The following FSTL4 variants were observed in gnomAD, a reference collection of about 807,000 sequenced individuals.
The protein encoded by FSTL4 is follistatin-related protein 4.
In FSTL4, 28 loss-of-function variants were observed where a neutral mutation model predicts 78.2. That is an observed-to-expected ratio of 0.36 (90% confidence interval 0.27 to 0.49). The LOEUF (loss-of-function observed/expected upper bound fraction) is 0.49. Ranked by LOEUF, FSTL4 falls within the 20% of genes least tolerant of loss-of-function variation. FSTL4 has a pLI of 0.98. For synonymous variants in FSTL4, 422 were observed against 440.5 expected, an observed-to-expected ratio of 0.96 and a Z score of 0.53; for missense variants, 922 against 1,084.9, an observed-to-expected ratio of 0.85 and a Z score of 2.11.
chr5:133,583,073 C>A (rs1760467370), intron 2 of FSTL4, among the ~76,000 whole-genome samples: 1 of 152,214 alleles, frequency 6.6e-6, no homozygotes, highest in African/African-American at 2.4e-5. Context: ...GGCAGCACCT[C>A]CAGCAGAAGT....
the FSTL4 span, among the ~76,000 whole-genome samples, chr5:133,668,322 C>A: frequency 6.6e-6 from 1 of 152,162 alleles, no homozygotes. Context: ...AAGAAAGTCA[C>A]ATGGAACCAG....
At chr5:133,729,193 G>A in the FSTL4 span, among the ~76,000 whole-genome samples, 1 of 150,994 alleles carries the variant, frequency 6.6e-6, no homozygotes, top group African/African-American at 2.4e-5. Context: ...TGGTTGCCTG[G>A]CACATGAATT....
In FSTL4 at chr5:133,411,110, A is replaced by G. The variant is rs1756469337; in HGVS notation, c.161-10124T>C. 1.3e-5 allele frequency among the ~76,000 whole-genome samples: 2 copies of G among 152,162 alleles called. 1 individual carries two copies. Among genetic ancestry groups the G allele is most frequent in the Admixed American group, 1.3e-4 (2 of 15,280 alleles). ...TGACAACCTGTCTACTTCTATGAGAAGCTCACAGGGTCAGCAATTGCCCTA... is the reference window on the plus strand; with the variant it reads ...TGACAACCTGTCTACTTCTATGAGAGGCTCACAGGGTCAGCAATTGCCCTA... On this transcript the variant is annotated intron_variant, in intron 3 of 15. Coordinates refer to ENST00000265342, the MANE Select transcript of FSTL4 (RefSeq NM_015082.2).
At chr5:133,589,666 C>T (rs2112965080) in intron 2 of FSTL4, among the ~76,000 whole-genome samples, 1 of 152,288 alleles carries the variant, frequency 6.6e-6, no homozygotes, top group South Asian at 2.1e-4. Flanking sequence ...CAGAAGACCA[C>T]CTCAAACTCT....
the FSTL4 span, among the ~76,000 whole-genome samples, chr5:133,647,005 A>C: frequency 7.2e-5 from 11 of 152,296 alleles, no homozygotes; most frequent in South Asian, 2.3e-3. Flanking sequence ...AAAACAACAT[A>C]ATAAGGAGCA....
intron 4 of FSTL4, among the ~76,000 whole-genome samples, chr5:133,340,284 GA>G (rs2126917563): frequency 6.6e-6 from 1 of 152,294 alleles, no homozygotes; most frequent in African/African-American, 2.4e-5. Flanking sequence ...AATACTCTTT[GA>G]ATTTTAGTGG....
At chr5:133,679,844 A>G in the FSTL4 span, among the ~76,000 whole-genome samples, 1 of 151,994 alleles carries the variant, frequency 6.6e-6, no homozygotes, top group African/African-American at 2.4e-5. Context: ...GACTATGGCA[A>G]TAGCCCCTTA....
chr5:133,558,588 G>A (rs1424911371), intron 3 of FSTL4, among the ~76,000 whole-genome samples: 1 of 152,052 alleles, frequency 6.6e-6, no homozygotes, highest in African/African-American at 2.4e-5. Flanking sequence ...CTGACTTCCT[G>A]GAGAGTTCAA....
intron 5 of FSTL4, among the ~76,000 whole-genome samples, chr5:133,313,732 C>G (rs1168776290): frequency 1.3e-5 from 2 of 151,964 alleles, no homozygotes; most frequent in African/African-American, 4.8e-5. Flanking sequence ...AAAAAATGAC[C>G]CTTCACCAAG....
At chr5:133,444,554 G>A (rs143472245) in intron 3 of FSTL4, among the ~76,000 whole-genome samples, 212 of 152,266 alleles carry the variant, frequency 1.4e-3, no homozygotes, top group African/African-American at 5.0e-3. Flanking sequence ...CTAGACCAAC[G>A]TGTGCCCCCA....
the FSTL4 span, among the ~76,000 whole-genome samples, chr5:133,759,569 C>T: frequency 2.5e-4 from 38 of 152,224 alleles, no homozygotes; most frequent in Non-Finnish European, 4.9e-4. Flanking sequence ...CAATAGGGCC[C>T]AGTACTATGT....
the FSTL4 span, among the ~76,000 whole-genome samples, chr5:133,741,211 G>C: frequency 1.3e-5 from 2 of 152,196 alleles, no homozygotes; most frequent in African/African-American, 4.8e-5. Flanking sequence ...ATTCCCGGAA[G>C]CAGAACCTAA....
At chr5:133,395,795 C>T (rs550357331) in intron 4 of FSTL4, among the ~76,000 whole-genome samples, 5 of 152,188 alleles carry the variant, frequency 3.3e-5, no homozygotes, top group Admixed American at 6.5e-5. Context: ...CCTTGAAGGT[C>T]CCCTCTCCTC....
At chr5:133,216,855 G>C (rs1466330851) in intron 13 of FSTL4, among the ~76,000 whole-genome samples, 1 of 152,172 alleles carries the variant, frequency 6.6e-6, no homozygotes, top group Non-Finnish European at 1.5e-5. Flanking sequence ...CTTCATCACT[G>C]TGCCTTCTCT....
chr5:133,783,428 C>G, the FSTL4 span, among the ~76,000 whole-genome samples: 1 of 152,220 alleles, frequency 6.6e-6, no homozygotes, highest in Non-Finnish European at 1.5e-5. Context: ...TCAAAGGCAT[C>G]CTGGTTTAGG....
chr5:133,646,663 T>A, the FSTL4 span, among the ~76,000 whole-genome samples: 1 of 151,954 alleles, frequency 6.6e-6, no homozygotes, highest in African/African-American at 2.4e-5. Flanking sequence ...GAGGACATAG[T>A]TTGGAGATAG....
intron 14 of FSTL4, among the ~76,000 whole-genome samples, chr5:133,203,091 C>G (rs1011452056): frequency 6.6e-6 from 1 of 152,228 alleles, no homozygotes; most frequent in African/African-American, 2.4e-5. Context: ...CCTTGAAGTT[C>G]TAGGCCACTG....
At chr5:133,589,031 C>T (rs1490423495) in intron 2 of FSTL4, among the ~76,000 whole-genome samples, 1 of 17,404 alleles carries the variant, frequency 5.7e-5, no homozygotes, top group Non-Finnish European at 1.2e-4. Context: ...TAAACTATCG[C>T]AAGAACAAAA....
At chr5:133,507,526 T>A (rs1238786586) in intron 3 of FSTL4, among the ~76,000 whole-genome samples, 2 of 107,566 alleles carry the variant, frequency 1.9e-5, no homozygotes. Context: ...TGAAAGCATT[T>A]TTTTTTTTTT....
Sources: allele counts gnomAD v4.1 joint callset (sites outside exome capture counted in the v4.1 genomes callset), GRCh38; gene constraint gnomAD v4.1.1; transcripts MANE v1.5; gene names NCBI Gene and HGNC (gene_info 2026-07-23, HGNC 2026-07-21).